Variants in RPTOR observed in about 807,000 individuals in gnomAD.
RPTOR encodes regulatory-associated protein of mTOR.
Under a neutral mutation model 169.9 loss-of-function variants are expected in RPTOR, and 21 were observed. The ratio of observed to expected loss-of-function variants is 0.12; its 90% CI spans 0.09 to 0.18. RPTOR has a LOEUF of 0.18. Ranked by LOEUF, RPTOR falls within the 10% of genes least tolerant of loss-of-function variation. The pLI, the probability that RPTOR is intolerant of heterozygous loss-of-function variation, is 1.00. For missense variants in RPTOR, 1,133 were observed against 1,855.9 expected, an observed-to-expected ratio of 0.61 and a Z score of 7.16; for synonymous variants, 732 against 753.2, an observed-to-expected ratio of 0.97 and a Z score of 0.46.
chr17:80,774,909 G>C (rs1253733196), intron 6 of RPTOR, among the ~76,000 whole-genome samples: 3 of 152,178 alleles, frequency 2.0e-5, no homozygotes, highest in African/African-American at 7.2e-5. Context: ...AAGTAATTAA[G>C]CTGCTTGCTT....
At chr17:80,628,852 C>G (rs780656948) in intron 2 of RPTOR, among the ~76,000 whole-genome samples, 3 of 152,160 alleles carry the variant, frequency 2.0e-5, no homozygotes, top group Non-Finnish European at 4.4e-5. Flanking sequence ...TGAAAAGTTC[C>G]CATTATCTTT....
chr17:80,841,935 G>A lies in RPTOR; in HGVS notation c.1212+3938G>A, dbSNP rs969357348. On this transcript the variant is annotated intron_variant, in intron 10 of 33. Transcript: ENST00000306801. ...CACCGCACGGCAGCTCACACTCACC[G>A]CACGGCAGCTCACACTCACCGCACG... 5.1e-4 allele frequency among the ~76,000 whole-genome samples: 64 copies of A among 124,784 alleles called. 1 individual carries two copies. The highest frequency in any genetic ancestry group is 3.0e-4 in the Non-Finnish European group (18 of 59,710). 81.9% of individuals were successfully genotyped at this position (124,784 alleles called of 152,430 possible).
intron 12 of RPTOR, among the ~76,000 whole-genome samples, chr17:80,856,080 A>G (rs2067849279): frequency 6.6e-6 from 1 of 152,186 alleles, no homozygotes; most frequent in Non-Finnish European, 1.5e-5. Context: ...CAAATAACTC[A>G]CAGGGAAAGT....
At chr17:80,682,887 A>G (rs1282727903) in intron 3 of RPTOR, among the ~76,000 whole-genome samples, 1 of 151,974 alleles carries the variant, frequency 6.6e-6, no homozygotes, top group East Asian at 1.9e-4. Flanking sequence ...TGCAGCCTTG[A>G]ACTCCTGGGC....
intron 2 of RPTOR, among the ~76,000 whole-genome samples, chr17:80,626,413 T>TA (rs567057649): frequency 2.4e-4 from 35 of 148,920 alleles, no homozygotes; most frequent in Admixed American, 6.7e-4. Flanking sequence ...TATGTACACT[T>TA]AAAAAAAAAA....
intron 17 of RPTOR, among the ~76,000 whole-genome samples, chr17:80,890,222 G>A (rs1354388210): frequency 3.9e-5 from 6 of 152,228 alleles, no homozygotes; most frequent in Non-Finnish European, 4.4e-5. Flanking sequence ...CTCGGTGCAC[G>A]TTAATCCATG....
At chr17:80,964,145 G>A (rs1052463623) in intron 33 of RPTOR, 117 bp from the exon 34 acceptor site, 2 of 880,372 alleles carry the variant, frequency 2.3e-6, no homozygotes, top group East Asian at 5.1e-5. Flanking sequence ...GTGGGCGTGG[G>A]GGTTCCTGAG....
chr17:80,731,571 C>T (rs1567880257), intron 5 of RPTOR, among the ~76,000 whole-genome samples: 1 of 152,172 alleles, frequency 6.6e-6, no homozygotes, highest in Admixed American at 6.5e-5. Context: ...TTGAATTAAA[C>T]AGTGAATTCT....
chr17:80,827,920 T>C (rs2067462037), intron 9 of RPTOR, among the ~76,000 whole-genome samples: 1 of 152,192 alleles, frequency 6.6e-6, no homozygotes, highest in Non-Finnish European at 1.5e-5. Flanking sequence ...GATGAGAAAC[T>C]GGGGTGTGTG....
chr17:80,891,231 C>A (rs898580174), intron 17 of RPTOR, among the ~76,000 whole-genome samples: 3 of 152,238 alleles, frequency 2.0e-5, no homozygotes, highest in Non-Finnish European at 4.4e-5. Flanking sequence ...GAAACATCTA[C>A]CAATGAAAGT....
intron 25 of RPTOR, among the ~76,000 whole-genome samples, chr17:80,944,990 C>CAAA (rs530408210): frequency 1.1e-5 from 1 of 93,082 alleles, no homozygotes; most frequent in African/African-American, 4.2e-5. Flanking sequence ...GACTCCATCT[C>CAAA]AAAAAAAAAA....
intron 4 of RPTOR, among the ~76,000 whole-genome samples, chr17:80,714,911 T>G (rs746224917): frequency 6.6e-6 from 1 of 152,098 alleles, no homozygotes; most frequent in Non-Finnish European, 1.5e-5. Flanking sequence ...TTAGTAGAGA[T>G]GGGGTTTCGC....
At chr17:80,704,007 C>G (rs1008071817) in intron 3 of RPTOR, among the ~76,000 whole-genome samples, 1 of 152,144 alleles carries the variant, frequency 6.6e-6, no homozygotes, top group African/African-American at 2.4e-5. Context: ...GAACTAGGTC[C>G]TCTCCAGGAC....
chr17:80,911,550 G>C (rs1487092506), intron 21 of RPTOR, among the ~76,000 whole-genome samples: 1 of 152,204 alleles, frequency 6.6e-6, no homozygotes, highest in East Asian at 1.9e-4. Context: ...GGGAGGCCAA[G>C]GCGAGAGACG....
chr17:80,616,298 C>CT (rs201229448), intron 1 of RPTOR, among the ~76,000 whole-genome samples: 18,817 of 112,094 alleles, frequency 0.17, 3,966 homozygotes, highest in African/African-American at 0.45. Context: ...AATTGAAAAT[C>CT]TTTTTTTTTT....
chr17:80,963,076 G>T lies in RPTOR; in HGVS notation c.3939+19G>T. 1 of 1,341,006 alleles carries T rather than the reference G, an allele frequency of 7.5e-7. No individual in the cohort carries two copies. The highest frequency in any genetic ancestry group is 2.5e-5 in the East Asian group (1 of 39,858). The allele number at this position is 1,341,006 out of a possible 1,614,324, so 83.1% of individuals were successfully genotyped here. A position where few individuals can be genotyped will look rare whatever the true frequency, so the allele number is the denominator to read the frequency against. On this transcript the variant is annotated intron_variant, in intron 33 of 33. Coordinates refer to ENST00000306801, the MANE Select transcript of RPTOR (RefSeq NM_020761.3). Reference sequence around the variant, plus strand: ...GCACTGGGTCAGTGTGGCGGTGGGTGGGGGTCGGGGGTCGGGGGCTGGGGT... The same window carrying T: ...GCACTGGGTCAGTGTGGCGGTGGGTTGGGGTCGGGGGTCGGGGGCTGGGGT...
At chr17:80,578,218 G>T (rs1258804822) in intron 1 of RPTOR, among the ~76,000 whole-genome samples, 2 of 152,190 alleles carry the variant, frequency 1.3e-5, no homozygotes, top group Non-Finnish European at 2.9e-5. Context: ...GAGTGGTTGG[G>T]GGGGTGGTAC....
Position 80,609,686 on chromosome 17 carries a change from A to C in RPTOR, c.163-16005A>C, listed in dbSNP as rs1305014827. ...CTTGAACCCAGGAGGTGGAGGTTGCAGTGAGCTGAGATTGCACTGCTGCAC... is the reference window on the plus strand; with the variant it reads ...CTTGAACCCAGGAGGTGGAGGTTGCCGTGAGCTGAGATTGCACTGCTGCAC... On this transcript the variant is annotated intron_variant, in intron 1 of 33. Transcript: ENST00000306801. This position sits in a 1 kb window ranked among gnomAD's most constrained non-coding sequence, Gnocchi z 4.8. Among the ~76,000 whole-genome samples, 5 of 151,868 alleles carry C rather than the reference A, an allele frequency of 3.3e-5. No homozygotes were observed. The highest frequency in any genetic ancestry group is 6.6e-5 in the Admixed American group (1 of 15,254).
At position 80,820,013 on chromosome 17, in the gene RPTOR, T is replaced by G. The variant is rs1308834458; in HGVS notation, c.891-2188T>G. Among the ~76,000 whole-genome samples the G allele has an allele frequency of 1.3e-5, 2 of 152,200 alleles. No individual in the cohort carries two copies. Among genetic ancestry groups the G allele is most frequent in the Non-Finnish European group, 2.9e-5 (2 of 68,032 alleles). Reference sequence around the variant, plus strand: ...TCTTCCTGAGGCTTGGGGACGGTCCTCTGCCCTCATAGTTTGACTAACTCC... The same window carrying G: ...TCTTCCTGAGGCTTGGGGACGGTCCGCTGCCCTCATAGTTTGACTAACTCC... On this transcript the variant is annotated intron_variant, in intron 7 of 33. Coordinates refer to ENST00000306801, the MANE Select transcript of RPTOR (RefSeq NM_020761.3). This position sits in a 1 kb window ranked among gnomAD's most constrained non-coding sequence, Gnocchi z 4.1.
Sources: allele counts gnomAD v4.1 joint callset (sites outside exome capture counted in the v4.1 genomes callset), GRCh38; gene constraint gnomAD v4.1.1; non-coding constraint Gnocchi (gnomAD v3.1); transcripts MANE v1.5; gene names NCBI Gene and HGNC (gene_info 2026-07-23, HGNC 2026-07-21).